Variants in ARHGEF7 observed in about 807,000 individuals in gnomAD.
The protein encoded by ARHGEF7 is PAK-interacting exchange factor beta.
ARHGEF7 carries 33 observed loss-of-function variants against 109.8 expected under a neutral mutation model. The observed-to-expected ratio is 0.30, with a 90% CI of 0.23 to 0.40. The LOEUF is 0.40. Ranked by LOEUF, ARHGEF7 falls within the 10% of genes least tolerant of loss-of-function variation. The probability of loss-of-function intolerance (pLI) is 1.00; values close to 1 mark genes in which losing one functional copy is unlikely to be tolerated. For synonymous variants in ARHGEF7, 458 were observed against 424.6 expected, an observed-to-expected ratio of 1.08 and a Z score of -0.97; for missense variants, 938 against 1,098.5, an observed-to-expected ratio of 0.85 and a Z score of 2.07.
chr13:111,225,862 T>C (rs193156962), intron 5 of ARHGEF7, among the ~76,000 whole-genome samples: 7 of 152,338 alleles, frequency 4.6e-5, no homozygotes, highest in Non-Finnish European at 1.0e-4. Flanking sequence ...TTTATAACCT[T>C]ACTATGGCCT....
chr13:111,238,176 CTTG>C (rs2153535349), intron 6 of ARHGEF7, among the ~76,000 whole-genome samples: 1 of 152,234 alleles, frequency 6.6e-6, no homozygotes, highest in South Asian at 2.1e-4. Context: ...TTAGGGTGCC[CTTG>C]TTGTGTAGGT....
chr13:111,119,944 A>G (rs1379724946), intron 1 of ARHGEF7, among the ~76,000 whole-genome samples: 1 of 152,128 alleles, frequency 6.6e-6, no homozygotes, highest in South Asian at 2.1e-4. Context: ...CGTCATAAAG[A>G]CTTGTTGATT....
intron 19 of ARHGEF7, among the ~76,000 whole-genome samples, chr13:111,299,892 G>A (rs1351059111): frequency 6.6e-6 from 1 of 152,158 alleles, no homozygotes; most frequent in African/African-American, 2.4e-5. Flanking sequence ...GCAGGTGCTT[G>A]TGTTCTGTGA....
chr13:111,172,113 C>T (rs148611366), intron 2 of ARHGEF7, among the ~76,000 whole-genome samples: 53 of 152,240 alleles, frequency 3.5e-4, no homozygotes, highest in African/African-American at 1.1e-3. Context: ...AAAACACGTT[C>T]GTAATCTTGA....
intron 1 of ARHGEF7, among the ~76,000 whole-genome samples, chr13:111,146,142 G>A (rs996179513): frequency 2.0e-5 from 3 of 152,196 alleles, no homozygotes; most frequent in African/African-American, 4.8e-5. Context: ...CATACCTGGG[G>A]TGTGAGATTT....
intron 8 of ARHGEF7, among the ~76,000 whole-genome samples, chr13:111,264,246 A>G (rs1045654587): frequency 3.9e-5 from 6 of 152,362 alleles, no homozygotes; most frequent in African/African-American, 1.4e-4. Flanking sequence ...TGATGGAAAC[A>G]TGCTGTATCT....
rs12430275 is a variant in ARHGEF7 at position 111,263,331 on chromosome 13, G to A, written c.951-4217G>A. ...AATAAAAATCTAGAGCCTAGGCTCAGTGCGGTGAATTAAATAGGAAAAACC... is the reference window on the plus strand; with the variant it reads ...AATAAAAATCTAGAGCCTAGGCTCAATGCGGTGAATTAAATAGGAAAAACC... On this transcript the variant is annotated intron_variant, in intron 8 of 21. Transcript: ENST00000646102. Among the ~76,000 whole-genome samples the A allele has an allele frequency of 2.8e-3, 421 of 152,358 alleles. 5 individuals carry two copies. The highest frequency in any genetic ancestry group is 0.021 in the Admixed American group (316 of 15,310).
intron 8 of ARHGEF7, 40 bp from the exon 9 acceptor site, chr13:111,267,508 A>G: frequency 1.9e-6 from 3 of 1,611,260 alleles, no homozygotes; most frequent in Non-Finnish European, 2.5e-6. Flanking sequence ...TCCTGTCTGT[A>G]AAACTGATGA....
Position 111,283,151 on chromosome 13 carries a change from C to A in ARHGEF7, c.1738C>A (p.Pro580Thr). ...GTGCCCTTGGCAGCTCCCCTCCCAC[C>A]CGGTCACTCCGTCCAGCAAGCACGC... ...SVPSHTLPSHPVTPSSKHADS... is the reference protein window; with the variant it reads ...SVPSHTLPSHTVTPSSKHADS... The change falls in exon 16 of 22, where the codon CCG (proline) becomes ACG (threonine). Residue 580 changes from proline (P) to threonine (T), a missense_variant. Coordinates refer to ENST00000646102, the MANE Select transcript of ARHGEF7 (RefSeq NM_001354046.2). The A allele has an allele frequency of 6.3e-7, 1 of 1,588,594 alleles. No individual in the cohort carries two copies.
Position 111,300,982 on chromosome 13 carries a change from C to T in ARHGEF7, c.2411+135C>T, listed in dbSNP as rs1196889975. On this transcript the variant is annotated intron_variant, in intron 20 of 21. Coordinates refer to ENST00000646102, the MANE Select transcript of ARHGEF7 (RefSeq NM_001354046.2). ...TTTTTTTTTGAGACGGAGTGTCACT[C>T]TTGTCACCCAGGCTGGAGTGCAATG... 7.7e-6 allele frequency: 4 copies of T among 518,262 alleles called. No individual in the cohort carries two copies. In the African/African-American group the frequency reaches 8.0e-5, roughly 10 times the overall value. 32.1% of individuals were successfully genotyped at this position (518,262 alleles called of 1,614,324 possible).
At chr13:111,122,009 A>G (rs2067231866) in intron 1 of ARHGEF7, among the ~76,000 whole-genome samples, 1 of 152,244 alleles carries the variant, frequency 6.6e-6, no homozygotes, top group Non-Finnish European at 1.5e-5. Context: ...CTGTAAGCCA[A>G]GATTTGAACC....
At chr13:111,134,047 G>GT (rs1368395985) in intron 1 of ARHGEF7, among the ~76,000 whole-genome samples, 1 of 150,334 alleles carries the variant, frequency 6.7e-6, no homozygotes, top group Non-Finnish European at 1.5e-5. Flanking sequence ...GCGGTGTTTG[G>GT]TTTTTTGTCC....
At chr13:111,214,310 G>A (rs1383288983) in intron 4 of ARHGEF7, among the ~76,000 whole-genome samples, 3 of 152,244 alleles carry the variant, frequency 2.0e-5, no homozygotes. Flanking sequence ...CCTCAGCCCT[G>A]GTGCTGGCTG....
intron 1 of ARHGEF7, among the ~76,000 whole-genome samples, chr13:111,124,925 A>C (rs1162643880): frequency 6.6e-6 from 1 of 151,928 alleles, no homozygotes; most frequent in Non-Finnish European, 1.5e-5. Context: ...ATGCCCGGCT[A>C]ATTTTTGTAT....
chr13:111,193,916 A>G (rs1365535482), intron 2 of ARHGEF7, among the ~76,000 whole-genome samples: 1 of 152,156 alleles, frequency 6.6e-6, no homozygotes, highest in East Asian at 1.9e-4. Flanking sequence ...ACGCATGTAC[A>G]TATTTGAAGC....
intron 8 of ARHGEF7, among the ~76,000 whole-genome samples, chr13:111,262,432 A>C (rs564114119): frequency 6.6e-6 from 1 of 151,944 alleles, no homozygotes; most frequent in African/African-American, 2.4e-5. Flanking sequence ...GTGTGTGTCT[A>C]TCTCCACCCT....
intron 1 of ARHGEF7, among the ~76,000 whole-genome samples, chr13:111,137,145 C>T (rs558243884): frequency 6.6e-6 from 1 of 152,328 alleles, no homozygotes; most frequent in South Asian, 2.1e-4. Context: ...GACGGATTCA[C>T]AGCCAAATTC....
Position 111,267,660 on chromosome 13 carries a change from A to G in ARHGEF7, c.1063A>G (p.Thr355Ala). The change falls in exon 9 of 22, where the codon ACG (threonine) becomes GCG (alanine). Residue 355 changes from threonine (T) to alanine (A), a missense_variant. Coordinates refer to ENST00000646102, the MANE Select transcript of ARHGEF7 (RefSeq NM_001354046.2). ...TCACCCTTCTGCAGTGAATGTCCTC[A>G]CGGAACACAGGTGCGCTTGCTAGGC... ...ANHPSAVNVLTEHSEELGEFM... is the reference protein window; with the variant it reads ...ANHPSAVNVLAEHSEELGEFM... The G allele has an allele frequency of 6.2e-7, 1 of 1,613,866 alleles. No individual in the cohort carries two copies. Among genetic ancestry groups the G allele is most frequent in the Non-Finnish European group, 8.5e-7 (1 of 1,179,820 alleles).
At chr13:111,244,029 A>G (rs1342909650) in intron 7 of ARHGEF7, 63 bp downstream of exon 7, 11 of 1,417,062 alleles carry the variant, frequency 7.8e-6, no homozygotes, top group East Asian at 4.6e-5. Flanking sequence ...GTTCTCTTCT[A>G]TTTTCAGAGA....
Sources: allele counts gnomAD v4.1 joint callset (sites outside exome capture counted in the v4.1 genomes callset), GRCh38; gene constraint gnomAD v4.1.1; transcripts MANE v1.5; gene names NCBI Gene and HGNC (gene_info 2026-07-23, HGNC 2026-07-21).